Variants in HDAC2 observed in about 807,000 individuals in gnomAD.
HDAC2 encodes YY1-associated factor 1.
In HDAC2, 5 loss-of-function variants were observed where a neutral mutation model predicts 68.5. The ratio of observed to expected loss-of-function variants is 0.07; its 90% CI spans 0.04 to 0.15. The LOEUF (loss-of-function observed/expected upper bound fraction) is 0.15, where lower values mean the gene tolerates loss of function less well. Among genes scored for constraint, HDAC2 ranks in the 10% least tolerant of loss-of-function variants. The pLI, the probability that HDAC2 is intolerant of heterozygous loss-of-function variation, is 1.00. For missense variants in HDAC2, 291 were observed against 600.8 expected (o/e 0.48, Z 5.39); for synonymous variants, 182 against 191.3 (o/e 0.95, Z 0.40).
intron 11 of HDAC2, 77 bp downstream of exon 11, chr6:113,944,203 T>C: frequency 1.6e-6 from 2 of 1,224,726 alleles, no homozygotes; most frequent in Admixed American, 3.6e-5. Context: ...GACTTTATAG[T>C]GAAGTTCTTA....
chr6:113,953,262 A>G lies in HDAC2; in HGVS notation c.639+15T>C. ...TTCATCTCACAATATTTTTTCAGAC[A>G]GAATTTAGTCTTACCCTCAAGTCTC... On this transcript the variant is annotated intron_variant, in intron 6 of 13. Transcript: ENST00000519065. The G allele has an allele frequency of 6.3e-7, 1 of 1,592,026 alleles. No homozygotes were observed. Among genetic ancestry groups the G allele is most frequent in the Non-Finnish European group, 8.6e-7 (1 of 1,165,122 alleles).
Position 113,958,693 on chromosome 6 carries a change from A to C in HDAC2, c.239T>G (p.Ile80Arg). The change falls in exon 3 of 14, where the codon ATA (isoleucine) becomes AGA (arginine). Residue 80 changes from isoleucine (I) to arginine (R), a missense_variant. Physicochemically the swap from Ile to Arg is moderately conservative, Grantham distance 97. This residue lies in a region of HDAC2 where 154 missense variants were observed against 472.1 expected (regional missense o/e 0.33). Transcript: ENST00000519065. Reference sequence around the variant, plus strand: ...ATACTCAGACATGTTATCTGGTCTTATTGACCGTAGAAATTTGATATACTC... The same window carrying C: ...ATACTCAGACATGTTATCTGGTCTTCTTGACCGTAGAAATTTGATATACTC... Reference protein sequence around the residue: ...SDEYIKFLRSIRPDNMSEYSK... With the variant: ...SDEYIKFLRSRRPDNMSEYSK... The C allele has an allele frequency of 1.2e-6, 2 of 1,607,340 alleles. No homozygotes were observed. Among genetic ancestry groups the C allele is most frequent in the African/African-American group, 1.3e-5 (1 of 74,846 alleles).
intron 6 of HDAC2, among the ~76,000 whole-genome samples, chr6:113,953,048 T>C (rs774044487): frequency 2.0e-5 from 3 of 152,210 alleles, no homozygotes; most frequent in African/African-American, 4.8e-5. Flanking sequence ...AAAACATTTA[T>C]TCAACCAAAG....
intron 10 of HDAC2, 40 bp downstream of exon 10, chr6:113,945,322 A>G: frequency 1.0e-6 from 1 of 954,332 alleles, no homozygotes. Flanking sequence ...AATCTTTGTC[A>G]AGATAAAATG....
At chr6:113,966,195 T>C (rs184868446) in intron 1 of HDAC2, among the ~76,000 whole-genome samples, 25 of 151,636 alleles carry the variant, frequency 1.6e-4, no homozygotes, top group African/African-American at 5.8e-4. Flanking sequence ...CCTACCTAAA[T>C]GTAGTTCAGA....
chr6:113,952,325 T>C (rs191105488), intron 6 of HDAC2, among the ~76,000 whole-genome samples: 7 of 152,170 alleles, frequency 4.6e-5, no homozygotes, highest in Admixed American at 2.0e-4. Flanking sequence ...AACCAAACAT[T>C]TGACCTCCCA....
rs371764273 is a variant in HDAC2, at chr6:113,949,963, T to C, written c.640-703A>G. Among the ~76,000 whole-genome samples the C allele has an allele frequency of 2.2e-4, 33 of 152,246 alleles. No individual in the cohort carries two copies. The South Asian group carries it at 6.2e-3, about 29-fold the overall frequency. On this transcript the variant is annotated intron_variant, in intron 6 of 13. Transcript: ENST00000519065. ...TGCCAGGCTAATTTTGTATCTTTAG[T>C]AGAGACAGGGTTTCCTCCATGTTCA...
chr6:113,937,648 G>C lies in HDAC2; in HGVS notation c.*3410C>G, dbSNP rs546328587. On this transcript the variant is annotated 3_prime_UTR_variant, in exon 14 of 14. Transcript: ENST00000519065. The stretch of plus-strand genomic sequence containing the variant: ...GAATCGCTTGAGCCTAGGAGTTTGT[G>C]ACCAGCCTGGGCAACACAGGGAGAC... 6 of 152,298 alleles carry C rather than the reference G, an allele frequency of 3.9e-5. No homozygotes were observed. The highest frequency in any genetic ancestry group is 7.3e-5 in the Non-Finnish European group (5 of 68,176). 9.4% of individuals were successfully genotyped at this position (152,298 alleles called of 1,614,324 possible). A position where few individuals can be genotyped will look rare whatever the true frequency, so the allele number is the denominator to read the frequency against.
chr6:113,948,543 G>A (rs935823795), intron 8 of HDAC2: 2 of 155,632 alleles, frequency 1.3e-5, no homozygotes, highest in Non-Finnish European at 2.8e-5. Context: ...TAAAGATGCT[G>A]CCGTAAACAC....
At chr6:113,942,825 T>C (rs1006817873) in intron 12 of HDAC2, among the ~76,000 whole-genome samples, 2 of 152,182 alleles carry the variant, frequency 1.3e-5, no homozygotes, top group East Asian at 1.9e-4. Context: ...TGTATCAAAG[T>C]ATTTTTTCCT....
Position 113,946,081 on chromosome 6 carries a change from G to C in HDAC2, c.909C>G (p.Gly303=), listed in dbSNP as rs149653262. ...NLPLLMLGGG[G]YTIRNVARCW... ...ATCGAGCAACATTACGGATTGTGTA[G>C]CCACCTCCTCCAAGCATCAGTAATG... The change falls in exon 9 of 14, where the codon GGC becomes GGG. Residue 303 remains glycine (G), a synonymous_variant. Coordinates refer to ENST00000519065, the MANE Select transcript of HDAC2 (RefSeq NM_001527.4). 1 of 1,612,476 alleles carries C rather than the reference G, an allele frequency of 6.2e-7. No individual in the cohort carries two copies. Among genetic ancestry groups the C allele is most frequent in the Non-Finnish European group, 8.5e-7 (1 of 1,178,540 alleles).
intron 5 of HDAC2, among the ~76,000 whole-genome samples, 183 bp from the exon 6 acceptor site, chr6:113,953,601 C>G (rs1236213563): frequency 6.6e-6 from 1 of 152,220 alleles, no homozygotes; most frequent in South Asian, 2.1e-4. Flanking sequence ...TAAATACCCA[C>G]TTGTGGCCCA....
rs924280023 is a variant in HDAC2, at chr6:113,937,030, G to A, written c.*4028C>T. On this transcript the variant is annotated 3_prime_UTR_variant, in exon 14 of 14. Coordinates refer to ENST00000519065, the MANE Select transcript of HDAC2 (RefSeq NM_001527.4). ...AAAAATAGCAGCTAACCCTTACTGAGCATTAACTATGTTATTAACTCAATC... is the reference window on the plus strand; with the variant it reads ...AAAAATAGCAGCTAACCCTTACTGAACATTAACTATGTTATTAACTCAATC... 1.3e-5 allele frequency: 2 copies of A among 151,850 alleles called. No individual in the cohort carries two copies. The highest frequency in any genetic ancestry group is 2.9e-5 in the Non-Finnish European group (2 of 67,950). The allele number at this position is 151,850 out of a possible 1,614,324, so 9.4% of individuals were successfully genotyped here.
intron 1 of HDAC2, among the ~76,000 whole-genome samples, chr6:113,960,705 A>G (rs778395175): frequency 1.3e-5 from 2 of 151,842 alleles, no homozygotes; most frequent in Non-Finnish European, 2.9e-5. Flanking sequence ...TAACAAAATC[A>G]CAGATTTTCA....
chr6:113,955,695 G>A (rs1301975312), intron 5 of HDAC2, among the ~76,000 whole-genome samples: 1 of 151,938 alleles, frequency 6.6e-6, no homozygotes, highest in Non-Finnish European at 1.5e-5. Flanking sequence ...TTTTTCTGTA[G>A]AGATGGGGTT....
chr6:113,952,899 GAGC>G (rs1443268154), intron 6 of HDAC2, among the ~76,000 whole-genome samples: 1 of 152,042 alleles, frequency 6.6e-6, no homozygotes, highest in Non-Finnish European at 1.5e-5. Flanking sequence ...CAAAAGAGAG[GAGC>G]AGAAGAACCT....
chr6:113,941,155 A>G (rs1303589640), intron 13 of HDAC2, 67 bp from the exon 14 acceptor site: 3 of 1,178,106 alleles, frequency 2.5e-6, no homozygotes, highest in East Asian at 4.7e-5. Context: ...CTGACCTATT[A>G]TATTGATCAG....
intron 6 of HDAC2, 106 bp downstream of exon 6, chr6:113,953,171 C>G: frequency 1.3e-6 from 1 of 791,630 alleles, no homozygotes; most frequent in South Asian, 2.2e-5. Flanking sequence ...ATTCTGCATA[C>G]AAGTTTCAAA....
rs1775974750 is a variant in HDAC2 at position 113,935,075 on chromosome 6, T to A, written c.*5983A>T. 6.6e-6 allele frequency: 1 copy of A among 151,986 alleles called. No individual in the cohort carries two copies. Among genetic ancestry groups the A allele is most frequent in the Non-Finnish European group, 1.5e-5 (1 of 67,982 alleles). 9.4% of individuals were successfully genotyped at this position (151,986 alleles called of 1,614,324 possible). A position where few individuals can be genotyped will look rare whatever the true frequency, so the allele number is the denominator to read the frequency against. On this transcript the variant is annotated 3_prime_UTR_variant, in exon 14 of 14. Transcript: ENST00000519065. ...ATACTGGTGAATGGTAGATCTCCCA[T>A]CCTCATGCTTGGAGGGCTATTATCT...
Sources: allele counts gnomAD v4.1 joint callset (sites outside exome capture counted in the v4.1 genomes callset), GRCh38; gene constraint gnomAD v4.1.1; regional missense constraint gnomAD v4.1.1; transcripts MANE v1.5; gene names NCBI Gene and HGNC (gene_info 2026-07-23, HGNC 2026-07-21).